Variants in TXLNB observed in about 807,000 individuals in gnomAD.
The protein encoded by TXLNB is taxilin beta.
Under a neutral mutation model 57.4 loss-of-function variants are expected in TXLNB, and 37 were observed. The observed-to-expected ratio is 0.64, with a 90% CI of 0.50 to 0.85. The LOEUF is 0.85. Ranked by LOEUF, TXLNB falls within the 40% of genes least tolerant of loss-of-function variation. The pLI is 0.00. For missense variants in TXLNB, 848 were observed against 825.6 expected (o/e 1.03, Z -0.33); for synonymous variants, 302 against 309.6 (o/e 0.98, Z 0.26).
At chr6:139,275,354 G>A (rs1417258764) in intron 3 of TXLNB, among the ~76,000 whole-genome samples, 1 of 152,106 alleles carries the variant, frequency 6.6e-6, no homozygotes, top group African/African-American at 2.4e-5. Context: ...TGCCTGTCAC[G>A]TAAGAAAACC....
At chr6:139,251,813 T>C (rs1776213576) in intron 7 of TXLNB, among the ~76,000 whole-genome samples, 1 of 152,188 alleles carries the variant, frequency 6.6e-6, no homozygotes, top group Admixed American at 6.5e-5. Context: ...ACCTGTGAGA[T>C]TTGGTTTGGG....
At chr6:139,205,245 A>G in the TXLNB span, among the ~76,000 whole-genome samples, 21 of 152,302 alleles carry the variant, frequency 1.4e-4, no homozygotes, top group Admixed American at 3.9e-4. Context: ...CTCTTGCCTC[A>G]GACTCCTGAG....
the TXLNB span, among the ~76,000 whole-genome samples, chr6:139,185,341 T>C: frequency 6.6e-6 from 1 of 152,192 alleles, no homozygotes; most frequent in Non-Finnish European, 1.5e-5. Flanking sequence ...TGATGAATAA[T>C]ATATGAAAAC....
At chr6:139,219,322 A>G in the TXLNB span, among the ~76,000 whole-genome samples, 1 of 152,196 alleles carries the variant, frequency 6.6e-6, no homozygotes, top group African/African-American at 2.4e-5. Context: ...TGCCAGATTT[A>G]GTGACAAGCA....
chr6:139,267,334 T>A (rs905200250), intron 4 of TXLNB, among the ~76,000 whole-genome samples: 2 of 152,166 alleles, frequency 1.3e-5, no homozygotes, highest in African/African-American at 4.8e-5. Context: ...ATACATATAA[T>A]GATGATAGCT....
At chr6:139,305,848 CTTAA>C in the TXLNB span, among the ~76,000 whole-genome samples, 2 of 152,064 alleles carry the variant, frequency 1.3e-5, no homozygotes, top group Non-Finnish European at 2.9e-5. Flanking sequence ...AGTAAATAAT[CTTAA>C]TTAATTAGGA....
chr6:139,302,440 C>A, the TXLNB span, among the ~76,000 whole-genome samples: 255 of 151,812 alleles, frequency 1.7e-3, 1 homozygote, highest in African/African-American at 5.5e-3. Flanking sequence ...TATAATATTT[C>A]TTCCAAAATT....
chr6:139,162,763 G>A, the TXLNB span, among the ~76,000 whole-genome samples: 2 of 152,200 alleles, frequency 1.3e-5, no homozygotes, highest in Admixed American at 6.5e-5. Context: ...GTGGAATGTT[G>A]TGTCTGTGGT....
chr6:139,255,515 C>G (rs758503589), intron 7 of TXLNB, 49 bp downstream of exon 7: 2 of 1,541,944 alleles, frequency 1.3e-6, no homozygotes, highest in Non-Finnish European at 1.8e-6. Flanking sequence ...GCCTTTTTAT[C>G]TGGGGACAGT....
chr6:139,312,397 T>C, the TXLNB span, among the ~76,000 whole-genome samples: 1 of 152,250 alleles, frequency 6.6e-6, no homozygotes. Context: ...AACATGACCC[T>C]TACTCTGTTG....
upstream of TXLNB, among the ~76,000 whole-genome samples, chr6:139,295,421 TCTAA>T (rs879683060): frequency 3.9e-5 from 6 of 152,212 alleles, no homozygotes; most frequent in Admixed American, 6.5e-5. Context: ...TGAAAATACA[TCTAA>T]CTGTTTACGC....
the TXLNB span, among the ~76,000 whole-genome samples, chr6:139,204,069 G>A: frequency 6.8e-6 from 1 of 146,054 alleles, no homozygotes; most frequent in Non-Finnish European, 1.5e-5. Context: ...TTTTTTTTTC[G>A]AGAAGGAGTC....
At chr6:139,175,416 A>T in the TXLNB span, among the ~76,000 whole-genome samples, 1 of 152,136 alleles carries the variant, frequency 6.6e-6, no homozygotes, top group African/African-American at 2.4e-5. Flanking sequence ...TTGTAAAGAG[A>T]GTATCTTTAC....
chr6:139,206,706 G>C, the TXLNB span, among the ~76,000 whole-genome samples: 1 of 151,548 alleles, frequency 6.6e-6, no homozygotes, highest in Non-Finnish European at 1.5e-5. Flanking sequence ...ATGGCAGAAT[G>C]GATTTAAAAA....
chr6:139,211,454 G>C, the TXLNB span, among the ~76,000 whole-genome samples: 1 of 152,066 alleles, frequency 6.6e-6, no homozygotes, highest in Admixed American at 6.6e-5. Flanking sequence ...AAACAGAAAG[G>C]ACATCTACAC....
At chr6:139,272,368 C>G (rs887514978) in intron 3 of TXLNB, among the ~76,000 whole-genome samples, 2 of 152,040 alleles carry the variant, frequency 1.3e-5, no homozygotes, top group Admixed American at 1.3e-4. Flanking sequence ...AGATGAACAC[C>G]TGTCACACTT....
At position 139,262,663 on chromosome 6, in the gene TXLNB, C is replaced by T; in HGVS notation, c.798G>A (p.Glu266=). ...TCTCCTGACAGAGCTTCATATTTCG[C>T]TCACTCTGCTGCTCGATCTGGCCCT... ...DIQGQIEQQS[E]RNMKLCQENT... The change falls in exon 5 of 10, where the codon GAG becomes GAA. Residue 266 remains glutamate, a synonymous_variant. Transcript: ENST00000358430. 6.2e-7 allele frequency: 1 copy of T among 1,614,212 alleles called. No homozygotes were observed. The highest frequency in any genetic ancestry group is 8.5e-7 in the Non-Finnish European group (1 of 1,180,044).
chr6:139,318,024 C>A, the TXLNB span, among the ~76,000 whole-genome samples: 1 of 151,792 alleles, frequency 6.6e-6, no homozygotes, highest in Admixed American at 6.6e-5. Context: ...TAATCCCACA[C>A]TTTGGGAGGC....
chr6:139,186,425 C>G, the TXLNB span, among the ~76,000 whole-genome samples: 1 of 152,056 alleles, frequency 6.6e-6, no homozygotes, highest in East Asian at 1.9e-4. Flanking sequence ...TTAGTCATTA[C>G]GGAAATGCAA....
Sources: gnomAD v4.1 joint callset for allele counts (sites outside exome capture counted in the v4.1 genomes callset) on GRCh38, gnomAD v4.1.1 for gene constraint, MANE v1.5 for transcripts, NCBI Gene and HGNC (gene_info 2026-07-23, HGNC 2026-07-21) for gene names.